Variants in TRDN observed in about 807,000 individuals in gnomAD.
TRDN encodes triadin in skeletal muscle.
Under a neutral mutation model 149.7 loss-of-function variants are expected in TRDN, and 161 were observed. The observed-to-expected ratio is 1.08, with a 90% CI of 0.95 to 1.23. The LOEUF is 1.23. Ranked by LOEUF, TRDN falls within the 50% of genes most tolerant of loss-of-function variation. The pLI is 0.00. For synonymous variants in TRDN, 294 were observed against 250.5 expected (o/e 1.17, Z -1.64); for missense variants, 896 against 823.5 (o/e 1.09, Z -1.08).
At chr6:123,435,933 T>C (rs895086729) in intron 12 of TRDN, among the ~76,000 whole-genome samples, 4 of 151,974 alleles carry the variant, frequency 2.6e-5, no homozygotes, top group Non-Finnish European at 4.4e-5. Context: ...CCATGAACCA[T>C]TGCACATAAA....
In TRDN at chr6:123,381,392, T is replaced by G. The variant is rs1360188622; in HGVS notation, c.1166-2A>C. 5 of 1,557,232 alleles carry G rather than the reference T, an allele frequency of 3.2e-6. No individual in the cohort carries two copies. In the East Asian group the frequency reaches 1.2e-4, roughly 37 times the overall value. Reference sequence around the variant, plus strand: ...TACTTTTTCCCTTGGGTTGTTCTACTGAAAGAAATACAAACAAAATCATTG... The same window carrying G: ...TACTTTTTCCCTTGGGTTGTTCTACGGAAAGAAATACAAACAAAATCATTG... On this transcript the variant is annotated splice_acceptor_variant, in intron 15 of 40. Coordinates refer to ENST00000334268, the MANE Select transcript of TRDN (RefSeq NM_006073.4). LOFTEE classifies it high-confidence loss of function.
chr6:123,251,220 C>T (rs1280512063), intron 38 of TRDN, among the ~76,000 whole-genome samples: 1 of 151,860 alleles, frequency 6.6e-6, no homozygotes, highest in Non-Finnish European at 1.5e-5. Context: ...AATCAAAGAC[C>T]TTTGAATGAC....
At chr6:123,368,457 A>C (rs1214904303) in intron 19 of TRDN, among the ~76,000 whole-genome samples, 1 of 152,208 alleles carries the variant, frequency 6.6e-6, no homozygotes, top group Non-Finnish European at 1.5e-5. Context: ...AGCCTATGAT[A>C]TTCAGATATC....
At chr6:123,494,215 G>A (rs1018221935) in intron 9 of TRDN, among the ~76,000 whole-genome samples, 4 of 152,142 alleles carry the variant, frequency 2.6e-5, no homozygotes, top group African/African-American at 9.7e-5. Flanking sequence ...CTATAATGTT[G>A]TAGGTCTGAA....
chr6:123,413,906 C>G (rs1209977604), intron 12 of TRDN, among the ~76,000 whole-genome samples: 1 of 152,044 alleles, frequency 6.6e-6, no homozygotes. Flanking sequence ...CCCTACTCAC[C>G]ATTAGACATC....
chr6:123,316,477 T>A lies in TRDN; in HGVS notation c.1490A>T (p.Asp497Val). The change falls in exon 24 of 41, where the codon GAT becomes GTT. Residue 497 changes from aspartate to valine, a missense_variant. Transcript: ENST00000334268. The stretch of plus-strand genomic sequence containing the variant: ...CTTACCTGCTTTGGACATCTTTTCA[T>A]CTTTTTTAGTTTCAGGTTCTGGGGC... ...LKEKEPETKK[D>V]EKMSKAGKEV... 6.2e-7 allele frequency: 1 copy of A among 1,610,552 alleles called. No homozygotes were observed. The highest frequency in any genetic ancestry group is 8.5e-7 in the Non-Finnish European group (1 of 1,177,746).
chr6:123,335,809 T>C (rs1458891384), intron 22 of TRDN, among the ~76,000 whole-genome samples: 1 of 152,006 alleles, frequency 6.6e-6, no homozygotes, highest in Non-Finnish European at 1.5e-5. Flanking sequence ...CCCAAATGTC[T>C]TCCATATGAC....
chr6:123,543,547 A>C (rs1475452382), intron 4 of TRDN, among the ~76,000 whole-genome samples: 1 of 152,138 alleles, frequency 6.6e-6, no homozygotes, highest in African/African-American at 2.4e-5. Context: ...GTTACCCAGA[A>C]AGCAAAATGT....
At chr6:123,566,075 C>T (rs904297252) in intron 2 of TRDN, among the ~76,000 whole-genome samples, 6 of 152,168 alleles carry the variant, frequency 3.9e-5, no homozygotes, top group African/African-American at 1.4e-4. Flanking sequence ...TTCAGAGTTG[C>T]TTTCAGCTAT....
intron 8 of TRDN, among the ~76,000 whole-genome samples, chr6:123,500,045 A>G (rs1159303278): frequency 6.6e-6 from 1 of 151,970 alleles, no homozygotes; most frequent in African/African-American, 2.4e-5. Flanking sequence ...TATTTCTTAT[A>G]TTTCCTAGAT....
intron 2 of TRDN, among the ~76,000 whole-genome samples, chr6:123,562,699 G>A (rs1782066345): frequency 6.6e-6 from 1 of 152,224 alleles, no homozygotes; most frequent in Non-Finnish European, 1.5e-5. Flanking sequence ...CAAAACTCCT[G>A]AAGTACATTG....
At chr6:123,589,838 T>C (rs1028552723) in intron 1 of TRDN, among the ~76,000 whole-genome samples, 1 of 152,200 alleles carries the variant, frequency 6.6e-6, no homozygotes, top group Non-Finnish European at 1.5e-5. Context: ...ATATTGCCAA[T>C]AGCTACTTTC....
At chr6:123,565,457 A>G (rs1782234095) in intron 2 of TRDN, among the ~76,000 whole-genome samples, 1 of 152,206 alleles carries the variant, frequency 6.6e-6, no homozygotes, top group African/African-American at 2.4e-5. Context: ...CACTCTCACA[A>G]GTATCCTGTT....
At chr6:123,395,197 T>C (rs1282019624) in intron 12 of TRDN, among the ~76,000 whole-genome samples, 2 of 152,046 alleles carry the variant, frequency 1.3e-5, no homozygotes, top group African/African-American at 2.4e-5. Context: ...TGCAGCCAAT[T>C]TTCCTCTTAT....
At chr6:123,464,389 A>AGT (rs920501587) in intron 10 of TRDN, 11 of 960,522 alleles carry the variant, frequency 1.1e-5, no homozygotes, top group African/African-American at 1.8e-5. Context: ...TGTGTGTGTG[A>AGT]GTGTGTGTGT....
chr6:123,453,681 A>G (rs532171975), intron 10 of TRDN, among the ~76,000 whole-genome samples: 2 of 152,324 alleles, frequency 1.3e-5, no homozygotes, highest in South Asian at 2.1e-4. Flanking sequence ...TACAGCCACT[A>G]TGGAAAACAG....
chr6:123,266,742 T>TA (rs1469520687), intron 32 of TRDN, among the ~76,000 whole-genome samples: 1 of 21,094 alleles, frequency 4.7e-5, no homozygotes, highest in African/African-American at 1.5e-4. Context: ...ATATGTAATA[T>TA]ATTATAATAT....
intron 10 of TRDN, chr6:123,457,730 T>C: frequency 4.7e-6 from 1 of 213,388 alleles, no homozygotes; most frequent in South Asian, 6.8e-5. Flanking sequence ...CAAGCCCTAG[T>C]ACAGTGTTTC....
At chr6:123,539,760 A>T (rs1339822234) in intron 4 of TRDN, among the ~76,000 whole-genome samples, 1 of 152,236 alleles carries the variant, frequency 6.6e-6, no homozygotes, top group Non-Finnish European at 1.5e-5. Context: ...ATTTATATAC[A>T]TTAGCCATTG....
Sources: allele counts gnomAD v4.1 joint callset (sites outside exome capture counted in the v4.1 genomes callset), GRCh38; gene constraint gnomAD v4.1.1; transcripts MANE v1.5; gene names NCBI Gene and HGNC (gene_info 2026-07-23, HGNC 2026-07-21).